The following BNC2 variants were observed in gnomAD, a reference collection of about 807,000 sequenced individuals.
BNC2 encodes zinc finger protein basonuclin-2.
In BNC2, 20 loss-of-function variants were observed where a neutral mutation model predicts 76.3. The observed-to-expected ratio is 0.26, with a 90% CI of 0.18 to 0.38. The LOEUF is 0.38. Among genes scored for constraint, BNC2 ranks in the 10% least tolerant of loss-of-function variants. The pLI is 1.00. For missense variants in BNC2, 1,382 were observed against 1,399.8 expected (o/e 0.99, Z 0.20); for synonymous variants, 582 against 514.8 (o/e 1.13, Z -1.77).
intron 3 of BNC2, among the ~76,000 whole-genome samples, chr9:16,695,535 CTTTTTT>C (rs35589107): frequency 2.4e-5 from 3 of 127,032 alleles, no homozygotes; most frequent in Non-Finnish European, 1.7e-5. Context: ...CTTTTTCTTT[CTTTTTT>C]TTTTTTTTTT....
intron 1 of BNC2, among the ~76,000 whole-genome samples, chr9:16,834,694 C>G (rs974313975): frequency 2.0e-5 from 3 of 151,628 alleles, no homozygotes; most frequent in African/African-American, 7.3e-5. Flanking sequence ...GAACTCCCTA[C>G]AAGTAAGTGA....
intron 5 of BNC2, among the ~76,000 whole-genome samples, chr9:16,440,344 A>G (rs999159526): frequency 1.3e-5 from 2 of 152,122 alleles, no homozygotes; most frequent in African/African-American, 4.8e-5. Flanking sequence ...AAAGAGCAGG[A>G]CTTCTGAGGA....
At chr9:16,794,345 G>A (rs1037832870) in intron 1 of BNC2, among the ~76,000 whole-genome samples, 2 of 152,154 alleles carry the variant, frequency 1.3e-5, no homozygotes, top group African/African-American at 4.8e-5. Context: ...CAATTATCAT[G>A]ACTGAGCTTT....
At chr9:16,540,482 A>G (rs1400746413) in intron 5 of BNC2, among the ~76,000 whole-genome samples, 1 of 152,176 alleles carries the variant, frequency 6.6e-6, no homozygotes, top group South Asian at 2.1e-4. Context: ...TAGGGTCTCT[A>G]TATCTAAAAC....
chr9:16,470,043 G>A (rs994633977), intron 5 of BNC2, among the ~76,000 whole-genome samples: 2 of 143,080 alleles, frequency 1.4e-5, no homozygotes, highest in African/African-American at 5.5e-5. Flanking sequence ...TGTTGCCCAG[G>A]CTGGAGTGCA....
chr9:16,419,684 T>C, intron 6 of BNC2, 35 bp from the exon 7 acceptor site: 1 of 365,764 alleles, frequency 2.7e-6, no homozygotes, highest in Non-Finnish European at 5.2e-6. Flanking sequence ...GGTACGTGGA[T>C]GGGGGGTGGG....
intron 1 of BNC2, among the ~76,000 whole-genome samples, chr9:16,856,135 T>C (rs1195518032): frequency 1.3e-5 from 2 of 152,128 alleles, no homozygotes; most frequent in Non-Finnish European, 2.9e-5. Flanking sequence ...ACATTAATGG[T>C]AAACCCTGCC....
intron 5 of BNC2, among the ~76,000 whole-genome samples, chr9:16,476,645 C>T (rs1481837381): frequency 1.3e-5 from 2 of 151,770 alleles, no homozygotes; most frequent in African/African-American, 4.8e-5. Context: ...GCAGGGACCA[C>T]GGGTTTATCT....
chr9:16,495,892 C>A (rs1822377828), intron 5 of BNC2, among the ~76,000 whole-genome samples: 1 of 150,316 alleles, frequency 6.7e-6, no homozygotes, highest in African/African-American at 2.5e-5. Context: ...GTTTTGTTTT[C>A]TTTTTTCTTT....
At chr9:16,634,959 T>C (rs1322721955) in intron 3 of BNC2, among the ~76,000 whole-genome samples, 3 of 152,222 alleles carry the variant, frequency 2.0e-5, no homozygotes, top group Non-Finnish European at 2.9e-5. Flanking sequence ...ACATTGTAGC[T>C]TGAATTCAGT....
At chr9:16,798,999 C>G (rs1046289292) in intron 1 of BNC2, among the ~76,000 whole-genome samples, 2 of 152,160 alleles carry the variant, frequency 1.3e-5, no homozygotes, top group African/African-American at 2.4e-5. Context: ...GAGAGTCATA[C>G]AAACATCAAC....
At chr9:16,624,001 G>C (rs1820929255) in intron 3 of BNC2, among the ~76,000 whole-genome samples, 1 of 152,112 alleles carries the variant, frequency 6.6e-6, no homozygotes, top group Admixed American at 6.6e-5. Context: ...TTAAGTTTTA[G>C]CCTAGTCAAG....
At chr9:16,790,970 G>T (rs2183407) in intron 1 of BNC2, among the ~76,000 whole-genome samples, 4 of 151,938 alleles carry the variant, frequency 2.6e-5, no homozygotes, top group Non-Finnish European at 5.9e-5. Flanking sequence ...CTATCACTGG[G>T]AGACAAGAAG....
At chr9:16,490,188 G>T (rs1822245480) in intron 5 of BNC2, among the ~76,000 whole-genome samples, 1 of 152,144 alleles carries the variant, frequency 6.6e-6, no homozygotes, top group South Asian at 2.1e-4. Context: ...AGAAAAAAAG[G>T]TTTAATTGGA....
At chr9:16,814,441 C>A (rs568323761) in intron 1 of BNC2, among the ~76,000 whole-genome samples, 1 of 152,152 alleles carries the variant, frequency 6.6e-6, no homozygotes, top group Non-Finnish European at 1.5e-5. Flanking sequence ...CCTAGAGAAG[C>A]CTTACTATTT....
chr9:16,544,560 G>C (rs976764102), intron 5 of BNC2, among the ~76,000 whole-genome samples: 1 of 152,134 alleles, frequency 6.6e-6, no homozygotes, highest in Non-Finnish European at 1.5e-5. Flanking sequence ...GCTCATGCCT[G>C]TAATCCCAGC....
At chr9:16,794,753 T>C (rs1015216319) in intron 1 of BNC2, among the ~76,000 whole-genome samples, 5 of 152,212 alleles carry the variant, frequency 3.3e-5, no homozygotes, top group African/African-American at 1.2e-4. Flanking sequence ...ATTAGTTCTC[T>C]TCAATTTTAC....
At chr9:16,627,466 A>G (rs1821031388) in intron 3 of BNC2, among the ~76,000 whole-genome samples, 1 of 152,240 alleles carries the variant, frequency 6.6e-6, no homozygotes, top group Non-Finnish European at 1.5e-5. Context: ...AAACCTGGTG[A>G]TAACAGGCCA....
At chr9:16,730,494 G>C (rs1824473331) in intron 2 of BNC2, among the ~76,000 whole-genome samples, 1 of 152,202 alleles carries the variant, frequency 6.6e-6, no homozygotes, top group Non-Finnish European at 1.5e-5. Context: ...GTGACAGACT[G>C]AGAGAAGCAG....
Sources: allele counts gnomAD v4.1 joint callset (sites outside exome capture counted in the v4.1 genomes callset), GRCh38; gene constraint gnomAD v4.1.1; transcripts MANE v1.5; gene names NCBI Gene and HGNC (gene_info 2026-07-23, HGNC 2026-07-21).